Variants in ADAMTSL3 observed in about 807,000 individuals in gnomAD.
ADAMTSL3 encodes the protein ADAMTS like 3.
ADAMTSL3 carries 128 observed loss-of-function variants against 201.7 expected under a neutral mutation model. The observed-to-expected ratio is 0.63, with a 90% confidence interval of 0.55 to 0.73. The LOEUF (loss-of-function observed/expected upper bound fraction) is 0.73, where lower values mean the gene tolerates loss of function less well. Ranked by LOEUF, ADAMTSL3 falls within the 30% of genes least tolerant of loss-of-function variation. The pLI is 0.00. For synonymous variants in ADAMTSL3, 738 were observed against 748.4 expected, an observed-to-expected ratio of 0.99 and a Z score of 0.23; for missense variants, 1,990 against 2,119.6, an observed-to-expected ratio of 0.94 and a Z score of 1.20.
Position 83,942,618 on chromosome 15 carries a change from C to A in ADAMTSL3, c.2140C>A (p.Pro714Thr). Residue 714 changes from proline (P) to threonine (T), a missense_variant, in exon 18 of 30, where the codon CCC becomes ACC. By Grantham distance (38) the Pro-to-Thr change is conservative. Coordinates refer to ENST00000286744, the MANE Select transcript of ADAMTSL3 (RefSeq NM_207517.3). ...TAGGTGGCATGTGGGCTCTTGGGGG[C>A]CCTGCTCAGCTACCTGTGGAGTTGG... ...PPRWHVGSWG[P>T]CSATCGVGIQ... 1 of 1,613,510 alleles carries A rather than the reference C, an allele frequency of 6.2e-7. No individual in the cohort carries two copies.
chr15:83,843,870 C>T (rs2141992965), intron 7 of ADAMTSL3, among the ~76,000 whole-genome samples: 1 of 152,332 alleles, frequency 6.6e-6, no homozygotes, highest in East Asian at 1.9e-4. Context: ...CCAGATACAA[C>T]ATACAGATTT....
intron 27 of ADAMTSL3, among the ~76,000 whole-genome samples, chr15:84,028,051 A>G (rs1466944200): frequency 1.3e-5 from 2 of 152,224 alleles, no homozygotes; most frequent in Non-Finnish European, 2.9e-5. Flanking sequence ...AAATTTGTAG[A>G]GACAAAAAGT....
At chr15:83,835,727 A>C (rs12443111) in intron 6 of ADAMTSL3, among the ~76,000 whole-genome samples, 5 of 152,086 alleles carry the variant, frequency 3.3e-5, no homozygotes, top group Non-Finnish European at 7.4e-5. Flanking sequence ...AATCTTGACC[A>C]TGCAAGTGTG....
At chr15:84,015,555 A>G (rs922244834) in intron 24 of ADAMTSL3, among the ~76,000 whole-genome samples, 12 of 152,168 alleles carry the variant, frequency 7.9e-5, no homozygotes, top group African/African-American at 2.7e-4. Flanking sequence ...TTGGGCTCAT[A>G]AAGAGTTTGA....
intron 2 of ADAMTSL3, among the ~76,000 whole-genome samples, chr15:83,658,983 G>A (rs1215926354): frequency 7.2e-5 from 11 of 152,182 alleles, no homozygotes; most frequent in Admixed American, 7.2e-4. Flanking sequence ...TTTTAACATT[G>A]GTCATGTGGC....
chr15:83,809,464 G>A (rs887263012), intron 5 of ADAMTSL3, among the ~76,000 whole-genome samples: 5 of 152,192 alleles, frequency 3.3e-5, no homozygotes, highest in African/African-American at 9.7e-5. Flanking sequence ...TTCAGCCCAA[G>A]TAGCACAACC....
chr15:84,024,947 G>T lies in ADAMTSL3; in HGVS notation c.4458-291G>T, dbSNP rs549204691. Reference sequence around the variant, plus strand: ...CTTTTGGAAATTTCCTCCTAAATTTGCCCCAGCTTTACCCTCTAGGGCCAC... The same window carrying T: ...CTTTTGGAAATTTCCTCCTAAATTTTCCCCAGCTTTACCCTCTAGGGCCAC... On this transcript the variant is annotated intron_variant, in intron 26 of 29. Transcript: ENST00000286744. 3.3e-5 allele frequency among the ~76,000 whole-genome samples: 5 copies of T among 152,202 alleles called. No homozygotes were observed. In the East Asian group the frequency reaches 5.8e-4, roughly 18 times the overall value.
At chr15:83,752,874 G>A (rs1361241673) in intron 3 of ADAMTSL3, among the ~76,000 whole-genome samples, 2 of 152,018 alleles carry the variant, frequency 1.3e-5, no homozygotes, top group East Asian at 1.9e-4. Context: ...TCATATGCTC[G>A]CCTTTAGGTT....
chr15:83,656,628 C>G (rs1449766404), intron 2 of ADAMTSL3, among the ~76,000 whole-genome samples: 1 of 152,088 alleles, frequency 6.6e-6, no homozygotes, highest in African/African-American at 2.4e-5. Context: ...AGTTTGCAGC[C>G]CCAGATCTAA....
chr15:83,903,965 A>G (rs879491135), intron 15 of ADAMTSL3, among the ~76,000 whole-genome samples: 967 of 77,834 alleles, frequency 0.012, 19 homozygotes, highest in Non-Finnish European at 0.015. Flanking sequence ...AGAAAGAAAG[A>G]AAGAAAAGGA....
At chr15:83,825,728 G>A (rs929509282) in intron 6 of ADAMTSL3, among the ~76,000 whole-genome samples, 1 of 152,068 alleles carries the variant, frequency 6.6e-6, no homozygotes, top group African/African-American at 2.4e-5. Flanking sequence ...GTAAAAGTTA[G>A]ATAAACCAAG....
chr15:83,819,756 C>T (rs2063828990), intron 5 of ADAMTSL3, 55 bp from the exon 6 acceptor site: 5 of 1,407,046 alleles, frequency 3.6e-6, no homozygotes, highest in South Asian at 3.5e-5. Flanking sequence ...ATTTCATCTT[C>T]TCTTGGCCTC....
chr15:83,865,555 G>A (rs1008785701), intron 8 of ADAMTSL3, among the ~76,000 whole-genome samples: 4 of 152,162 alleles, frequency 2.6e-5, no homozygotes, highest in African/African-American at 9.7e-5. Flanking sequence ...AAACTGGCTA[G>A]CCATATGTAG....
intron 3 of ADAMTSL3, among the ~76,000 whole-genome samples, chr15:83,736,497 T>C (rs886375625): frequency 6.6e-6 from 1 of 152,160 alleles, no homozygotes; most frequent in Non-Finnish European, 1.5e-5. Context: ...AAATTCTTAA[T>C]GGTTAAAAAG....
chr15:83,775,053 G>T (rs1225143516), intron 4 of ADAMTSL3, among the ~76,000 whole-genome samples: 2 of 152,142 alleles, frequency 1.3e-5, no homozygotes, highest in Non-Finnish European at 2.9e-5. Context: ...CACCATATTG[G>T]CCAGGCTGGT....
intron 5 of ADAMTSL3, among the ~76,000 whole-genome samples, chr15:83,808,989 CA>C (rs1338938048): frequency 6.7e-6 from 1 of 149,988 alleles, no homozygotes; most frequent in Non-Finnish European, 1.5e-5. Flanking sequence ...CTGGGGAGGA[CA>C]GGGGGCAGGT....
At chr15:83,844,207 G>A (rs894760451) in intron 7 of ADAMTSL3, among the ~76,000 whole-genome samples, 1 of 152,112 alleles carries the variant, frequency 6.6e-6, no homozygotes, top group African/African-American at 2.4e-5. Context: ...AGGCCAACTG[G>A]GAACACCAGC....
intron 3 of ADAMTSL3, among the ~76,000 whole-genome samples, chr15:83,771,686 G>A (rs757899512): frequency 6.6e-6 from 1 of 152,270 alleles, no homozygotes; most frequent in South Asian, 2.1e-4. Flanking sequence ...CCATTCATCT[G>A]TTGATGGACA....
At chr15:83,798,520 G>A (rs1347131829) in intron 4 of ADAMTSL3, among the ~76,000 whole-genome samples, 2 of 152,022 alleles carry the variant, frequency 1.3e-5, no homozygotes, top group East Asian at 3.9e-4. Flanking sequence ...CTAAGAAACA[G>A]GGACAGGCTG....
Sources: gnomAD v4.1 joint callset for allele counts (sites outside exome capture counted in the v4.1 genomes callset) on GRCh38, gnomAD v4.1.1 for gene constraint, MANE v1.5 for transcripts, NCBI Gene and HGNC (gene_info 2026-07-23, HGNC 2026-07-21) for gene names.